MAGI2: variants seen among roughly 807,000 people sequenced by gnomAD.
MAGI2 encodes the protein membrane-associated guanylate kinase, WW and PDZ domain-containing protein 2.
A neutral mutation model predicts 133.3 loss-of-function variants in MAGI2; 35 were observed. That is an observed-to-expected ratio of 0.26 (90% confidence interval 0.20 to 0.35). The LOEUF is 0.35. MAGI2 is among the 10% of genes least tolerant of loss of function. MAGI2 has a pLI of 1.00. For missense variants in MAGI2, 1,636 were observed against 1,863.4 expected (o/e 0.88, Z 2.25); for synonymous variants, 729 against 710.6 (o/e 1.03, Z -0.41).
intron 2 of MAGI2, among the ~76,000 whole-genome samples, chr7:78,632,859 G>C (rs106051): frequency 0.3 from 45,119 of 152,066 alleles, 7,132 homozygotes; most frequent in East Asian, 0.61. Context: ...GCTAAAAACA[G>C]AACTACCATT....
At chr7:78,266,846 A>G (rs1391999351) in intron 9 of MAGI2, among the ~76,000 whole-genome samples, 1 of 152,168 alleles carries the variant, frequency 6.6e-6, no homozygotes, top group East Asian at 1.9e-4. Flanking sequence ...TGCTGGGATT[A>G]CAGGTGTGAG....
At chr7:79,197,510 T>G (rs1401993468) in intron 1 of MAGI2, among the ~76,000 whole-genome samples, 1 of 152,036 alleles carries the variant, frequency 6.6e-6, no homozygotes, top group Non-Finnish European at 1.5e-5. Context: ...TTCTCTGAGT[T>G]AATTTAACTA....
intron 1 of MAGI2, among the ~76,000 whole-genome samples, chr7:79,013,850 G>A (rs1188652016): frequency 6.6e-6 from 1 of 152,058 alleles, no homozygotes; most frequent in East Asian, 1.9e-4. Context: ...ATTTTAAATA[G>A]GAAAGCCATA....
intron 1 of MAGI2, chr7:79,353,276 G>C: frequency 3.0e-6 from 1 of 328,310 alleles, no homozygotes; most frequent in South Asian, 2.4e-5. Flanking sequence ...AGCCCTGGCA[G>C]GGTGGTTTCC....
intron 2 of MAGI2, among the ~76,000 whole-genome samples, chr7:78,832,463 A>C (rs1404624713): frequency 1.3e-5 from 2 of 152,164 alleles, no homozygotes; most frequent in Non-Finnish European, 2.9e-5. Context: ...TAGTAATTGT[A>C]AGGGCGGGTG....
chr7:78,529,668 GTTTT>G (rs554010061), intron 3 of MAGI2, among the ~76,000 whole-genome samples: 886 of 57,288 alleles, frequency 0.015, 52 homozygotes, highest in African/African-American at 0.035. Context: ...AAAGGAGATG[GTTTT>G]TTTTTTTTTT....
At chr7:78,346,438 T>A (rs575208460) in intron 7 of MAGI2, among the ~76,000 whole-genome samples, 21 of 152,330 alleles carry the variant, frequency 1.4e-4, no homozygotes, top group Non-Finnish European at 2.6e-4. Flanking sequence ...AAAGTCCCCA[T>A]ATCCAACAGG....
At chr7:79,315,655 T>A (rs896144121) in intron 1 of MAGI2, among the ~76,000 whole-genome samples, 5 of 151,996 alleles carry the variant, frequency 3.3e-5, no homozygotes, top group African/African-American at 1.2e-4. Context: ...AGCATTCAAG[T>A]ATAAGCAGGA....
chr7:78,224,433 C>T (rs13438662), intron 10 of MAGI2, among the ~76,000 whole-genome samples: 22,414 of 151,874 alleles, frequency 0.15, 2,077 homozygotes, highest in East Asian at 0.32. Flanking sequence ...TGGGAGGCTG[C>T]GGTGGACAGA....
At chr7:78,378,330 T>C (rs1306678141) in intron 6 of MAGI2, among the ~76,000 whole-genome samples, 2 of 150,466 alleles carry the variant, frequency 1.3e-5, no homozygotes, top group African/African-American at 4.9e-5. Flanking sequence ...AGAATAGAAC[T>C]AATACATAAA....
At chr7:79,169,177 C>T (rs957488607) in intron 1 of MAGI2, among the ~76,000 whole-genome samples, 16 of 151,964 alleles carry the variant, frequency 1.1e-4, no homozygotes, top group African/African-American at 3.4e-4. Flanking sequence ...TTTGCTTTTG[C>T]TCCTCCATAA....
intron 2 of MAGI2, among the ~76,000 whole-genome samples, chr7:78,850,748 T>A (rs540221242): frequency 1.3e-5 from 2 of 152,216 alleles, no homozygotes; most frequent in East Asian, 3.9e-4. Flanking sequence ...TAAAGCAGTC[T>A]GTGCTACAAA....
rs566477442 is a variant in MAGI2 at position 78,550,622 on chromosome 7, C to T, written c.539-28977G>A. Among the ~76,000 whole-genome samples, 24 of 152,298 alleles carry T rather than the reference C, an allele frequency of 1.6e-4. No homozygotes were observed. In the South Asian group the frequency reaches 4.1e-3, roughly 26 times the overall value. On this transcript the variant is annotated intron_variant, in intron 3 of 21. Coordinates refer to ENST00000354212, the MANE Select transcript of MAGI2 (RefSeq NM_012301.4). ...TTTACCCAATGGCACTTCTGCATAA[C>T]TCCACTGGACAAGGTTGAGGACATT... is the stretch of plus-strand genomic sequence containing the variant.
intron 1 of MAGI2, among the ~76,000 whole-genome samples, chr7:79,369,565 G>A (rs1054506491): frequency 6.6e-6 from 1 of 152,148 alleles, no homozygotes; most frequent in Non-Finnish European, 1.5e-5. Context: ...AGCAGGCATT[G>A]AAACTTACCT....
chr7:78,785,256 T>C (rs1349122986), intron 2 of MAGI2, among the ~76,000 whole-genome samples: 1 of 152,238 alleles, frequency 6.6e-6, no homozygotes, highest in Non-Finnish European at 1.5e-5. Context: ...AATTTTGTTC[T>C]GCTTCAAGTC....
intron 20 of MAGI2, among the ~76,000 whole-genome samples, chr7:78,080,684 A>G (rs546352041): frequency 6.6e-6 from 1 of 152,224 alleles, no homozygotes; most frequent in African/African-American, 2.4e-5. Flanking sequence ...ATTACTAAAC[A>G]TCGTCACCTC....
At chr7:78,407,869 CCAGAGATCATTCCTCT>C (rs369796924) in intron 6 of MAGI2, among the ~76,000 whole-genome samples, 63,174 of 115,452 alleles carry the variant, frequency 0.55, 13,846 homozygotes, top group African/African-American at 0.66. Context: ...CTCTAGGATG[CCAGAGATCATTCCTCT>C]AGGATGCCAG....
At chr7:79,230,330 T>C (rs1831252784) in intron 1 of MAGI2, among the ~76,000 whole-genome samples, 1 of 152,106 alleles carries the variant, frequency 6.6e-6, no homozygotes, top group Non-Finnish European at 1.5e-5. Flanking sequence ...CTGAGTCAAA[T>C]GGTATTTCTA....
chr7:78,471,513 A>G (rs1047583867), intron 6 of MAGI2, among the ~76,000 whole-genome samples: 5 of 152,160 alleles, frequency 3.3e-5, no homozygotes, highest in African/African-American at 1.2e-4. Flanking sequence ...AATGTATTGA[A>G]TCACCTCTGG....
Sources: allele counts gnomAD v4.1 joint callset (sites outside exome capture counted in the v4.1 genomes callset), GRCh38; gene constraint gnomAD v4.1.1; transcripts MANE v1.5; gene names NCBI Gene and HGNC (gene_info 2026-07-23, HGNC 2026-07-21).